The following CELF4 variants were observed in gnomAD, a reference collection of about 807,000 sequenced individuals.
CELF4 encodes the protein CUGBP Elav-like family member 4, also known as CUG-BP- and ETR-3-like factor 4.
CELF4 carries 18 observed loss-of-function variants against 59.9 expected under a neutral mutation model. That is an observed-to-expected ratio of 0.30 (90% CI 0.21 to 0.45). CELF4 has a LOEUF of 0.45. CELF4 is among the 20% of genes least tolerant of loss of function. CELF4 has a pLI of 1.00. For missense variants in CELF4, 456 were observed against 689.0 expected (o/e 0.66, Z 3.79); for synonymous variants, 261 against 267.1 (o/e 0.98, Z 0.22).
chr18:37,372,470 G>A (rs533411413), intron 2 of CELF4, among the ~76,000 whole-genome samples: 6 of 152,232 alleles, frequency 3.9e-5, no homozygotes, highest in Admixed American at 6.5e-5. Flanking sequence ...ATCACACACC[G>A]GGGCCTGTCG....
At chr18:37,476,056 A>G (rs2099848047) in intron 2 of CELF4, among the ~76,000 whole-genome samples, 1 of 152,244 alleles carries the variant, frequency 6.6e-6, no homozygotes, top group Non-Finnish European at 1.5e-5. Context: ...TTATTGTGGC[A>G]AAGGACTCCG....
intron 3 of CELF4, among the ~76,000 whole-genome samples, chr18:37,286,653 T>C (rs535814709): frequency 1.4e-4 from 21 of 152,180 alleles, no homozygotes; most frequent in Admixed American, 5.2e-4. Flanking sequence ...CCACTGGCCA[T>C]CTTCCCGGGG....
chr18:37,384,263 C>CA (rs1293161112), intron 2 of CELF4, among the ~76,000 whole-genome samples: 1 of 152,132 alleles, frequency 6.6e-6, no homozygotes, highest in African/African-American at 2.4e-5. Flanking sequence ...AATGCTGTCA[C>CA]AAAAACATTT....
rs1486311201 is a variant in CELF4, at chr18:37,308,776, G to A, written c.448+13027C>T. 2.0e-5 allele frequency among the ~76,000 whole-genome samples: 3 copies of A among 151,474 alleles called. No homozygotes were observed. In the East Asian group the frequency reaches 5.8e-4, roughly 29 times the overall value. ...TGGGATCATGGATTTTCCCCGATAA[G>A]GGTCCCGGCTGACCTCTAGATTTCT... On this transcript the variant is annotated intron_variant, in intron 3 of 12. Transcript: ENST00000420428.
chr18:37,388,745 A>G (rs1303137902), intron 2 of CELF4, among the ~76,000 whole-genome samples: 1 of 152,178 alleles, frequency 6.6e-6, no homozygotes, highest in Non-Finnish European at 1.5e-5. Flanking sequence ...CAGAGCCTCC[A>G]CAGAACATGC....
chr18:37,507,074 AG>A (rs1370006612), intron 1 of CELF4, among the ~76,000 whole-genome samples: 2 of 152,196 alleles, frequency 1.3e-5, no homozygotes, highest in African/African-American at 4.8e-5. Context: ...GGTGTGACCC[AG>A]GGCTCTCTCT....
At chr18:37,391,918 G>A (rs556317438) in intron 2 of CELF4, among the ~76,000 whole-genome samples, 6 of 152,282 alleles carry the variant, frequency 3.9e-5, no homozygotes, top group South Asian at 2.1e-4. Flanking sequence ...GCGGAGTTTC[G>A]CCTGTCTTAC....
intron 2 of CELF4, among the ~76,000 whole-genome samples, chr18:37,458,106 G>A (rs1164886873): frequency 6.6e-6 from 1 of 152,232 alleles, no homozygotes; most frequent in Non-Finnish European, 1.5e-5. Context: ...AGGCCAGACA[G>A]CAGGATATTT....
At chr18:37,315,612 GT>G (rs1200152667) in intron 3 of CELF4, among the ~76,000 whole-genome samples, 2 of 152,188 alleles carry the variant, frequency 1.3e-5, no homozygotes, top group Non-Finnish European at 2.9e-5. Context: ...CTGTCACACA[GT>G]TTTCCCATGG....
chr18:37,560,228 G>A (rs2099986130), intron 1 of CELF4, among the ~76,000 whole-genome samples: 1 of 152,318 alleles, frequency 6.6e-6, no homozygotes, highest in African/African-American at 2.4e-5. Context: ...GCTTAGTCAT[G>A]CTTGCACATG....
At chr18:37,416,531 TA>T (rs1372384463) in intron 2 of CELF4, among the ~76,000 whole-genome samples, 2 of 152,210 alleles carry the variant, frequency 1.3e-5, no homozygotes, top group Non-Finnish European at 2.9e-5. Context: ...GTCTGCACTT[TA>T]ACAAGGAAGA....
intron 12 of CELF4, among the ~76,000 whole-genome samples, chr18:37,250,142 C>T (rs954429603): frequency 4.6e-5 from 7 of 152,232 alleles, no homozygotes; most frequent in African/African-American, 1.7e-4. Flanking sequence ...GTTCTGCCCG[C>T]TGGCTATGGA....
At chr18:37,452,660 C>G (rs2099767348) in intron 2 of CELF4, among the ~76,000 whole-genome samples, 1 of 152,170 alleles carries the variant, frequency 6.6e-6, no homozygotes, top group African/African-American at 2.4e-5. Context: ...GGACACTGCT[C>G]AAGGAATCAT....
intron 2 of CELF4, among the ~76,000 whole-genome samples, chr18:37,413,599 A>G (rs567300213): frequency 6.6e-6 from 1 of 152,356 alleles, no homozygotes; most frequent in South Asian, 2.1e-4. Flanking sequence ...CTCCTAATCC[A>G]GATGACCCCA....
chr18:37,354,717 T>A (rs1184310134), intron 2 of CELF4, among the ~76,000 whole-genome samples: 1 of 152,118 alleles, frequency 6.6e-6, no homozygotes, highest in Non-Finnish European at 1.5e-5. Context: ...AGGCCCAGGA[T>A]GGGGGACTTC....
intron 3 of CELF4, among the ~76,000 whole-genome samples, chr18:37,287,881 A>T (rs1786077): frequency 0.52 from 79,525 of 152,132 alleles, 21,897 homozygotes; most frequent in African/African-American, 0.69. Flanking sequence ...AAGCAGATAG[A>T]TTTATGATGG....
Position 37,348,328 on chromosome 18 carries a change from C to T in CELF4, c.370-26447G>A, listed in dbSNP as rs550460404. Among the ~76,000 whole-genome samples, 4 of 152,254 alleles carry T rather than the reference C, an allele frequency of 2.6e-5. No individual in the cohort carries two copies. In the South Asian group the frequency reaches 8.3e-4, roughly 32 times the overall value. ...CTGAAAAGCCTCCTGGGCCAGAGCA[C>T]TCCCAGCTTACCCAGAAAGAAGGGC... On this transcript the variant is annotated intron_variant, in intron 2 of 12. Coordinates refer to ENST00000420428, the MANE Select transcript of CELF4 (RefSeq NM_020180.4).
intron 1 of CELF4, among the ~76,000 whole-genome samples, chr18:37,498,326 C>T (rs369987170): frequency 2.8e-4 from 38 of 134,912 alleles, no homozygotes; most frequent in African/African-American, 1.1e-3. Flanking sequence ...CTCCCCTCTC[C>T]TTCCCTCTTC....
intron 2 of CELF4, among the ~76,000 whole-genome samples, chr18:37,435,994 C>T (rs2099690608): frequency 6.6e-6 from 1 of 152,136 alleles, no homozygotes; most frequent in East Asian, 1.9e-4. Flanking sequence ...GCTGCAGGGC[C>T]CGCACCTCTC....
Sources: gnomAD v4.1 joint callset for allele counts (sites outside exome capture counted in the v4.1 genomes callset) on GRCh38, gnomAD v4.1.1 for gene constraint, MANE v1.5 for transcripts, NCBI Gene and HGNC (gene_info 2026-07-23, HGNC 2026-07-21) for gene names.